TMEM164: variants seen among roughly 807,000 people sequenced by gnomAD.
TMEM164 encodes the protein transmembrane protein 164.
In TMEM164, 4 loss-of-function variants were observed where a neutral mutation model predicts 18.8. The ratio of observed to expected loss-of-function variants is 0.21; its 90% CI spans 0.10 to 0.49. TMEM164 has a LOEUF of 0.49. Ranked by LOEUF, TMEM164 falls within the 20% of genes least tolerant of loss-of-function variation. The pLI is 0.98. For missense variants in TMEM164, 108 were observed against 239.9 expected, an observed-to-expected ratio of 0.45 and a Z score of 3.63; for synonymous variants, 86 against 101.7, an observed-to-expected ratio of 0.85 and a Z score of 0.93.
intron 3 of TMEM164, among the ~76,000 whole-genome samples, chrX:110,093,105 G>A (rs1004173919): frequency 1.3e-4 from 14 of 111,653 alleles, no homozygotes; most frequent in African/African-American, 3.3e-4. Flanking sequence ...TGCTGGATTC[G>A]GTTTGCCAGT....
Position 110,079,373 on chromosome X carries a change from C to G in TMEM164, c.440+11977C>G, listed in dbSNP as rs1278688311. ...TCAACAAGCAAAATGTGTTGAGCAT[C>G]CCCAAAACCTGCTGCCATGACCTTT... On this transcript the variant is annotated intron_variant, in intron 3 of 6. Transcript: ENST00000372068. Among the ~76,000 whole-genome samples the G allele has an allele frequency of 5.4e-5, 6 of 112,082 alleles. No homozygotes were observed. The Admixed American group carries it at 5.7e-4, about 11-fold the overall frequency.
intron 2 of TMEM164, among the ~76,000 whole-genome samples, chrX:110,004,908 C>T (rs1317379867): frequency 8.9e-6 from 1 of 112,300 alleles, no homozygotes; most frequent in East Asian, 2.8e-4. Flanking sequence ...TTTACCTCAT[C>T]GACTTCCACC....
intron 5 of TMEM164, among the ~76,000 whole-genome samples, chrX:110,166,876 A>T (rs1488072010): frequency 8.9e-6 from 1 of 112,646 alleles, no homozygotes; most frequent in Non-Finnish European, 1.9e-5. Flanking sequence ...CAAGGGCCAC[A>T]TGCAGGTATA....
chrX:110,139,727 T>G (rs1490743035), intron 4 of TMEM164, among the ~76,000 whole-genome samples: 1 of 111,225 alleles, frequency 9.0e-6, no homozygotes, highest in Non-Finnish European at 1.9e-5. Flanking sequence ...GAGTTGGGAA[T>G]GTACTGAAGG....
chrX:110,135,954 A>G (rs1486263433), intron 4 of TMEM164, among the ~76,000 whole-genome samples: 1 of 111,874 alleles, frequency 8.9e-6, no homozygotes, highest in African/African-American at 3.3e-5. Context: ...CTATAATACC[A>G]TCTACCTTAT....
chrX:110,135,029 AT>A (rs1394502249), intron 4 of TMEM164, among the ~76,000 whole-genome samples: 1 of 91,272 alleles, frequency 1.1e-5, no homozygotes, highest in Non-Finnish European at 2.2e-5. Context: ...ATTTAGCTAC[AT>A]GATTAAAAAT....
At chrX:110,047,404 C>T (rs1208335382) in intron 2 of TMEM164, among the ~76,000 whole-genome samples, 2 of 112,142 alleles carry the variant, frequency 1.8e-5, no homozygotes, top group Non-Finnish European at 3.8e-5. Flanking sequence ...GGCTTGCATC[C>T]GTGTTTCCTT....
intron 2 of TMEM164, among the ~76,000 whole-genome samples, chrX:110,028,985 A>G (rs764214267): frequency 2.7e-5 from 3 of 109,835 alleles, no homozygotes; most frequent in South Asian, 3.8e-4. Context: ...TGTTACATCT[A>G]TTGATCAAAA....
chrX:110,133,121 GTGTC>G (rs1276925274), intron 4 of TMEM164, among the ~76,000 whole-genome samples: 2 of 111,247 alleles, frequency 1.8e-5, no homozygotes, highest in Non-Finnish European at 3.8e-5. Flanking sequence ...TTTTTCCTCT[GTGTC>G]TGTCTGTGTT....
At chrX:110,163,149 A>T (rs1357926989) in intron 5 of TMEM164, among the ~76,000 whole-genome samples, 2 of 111,843 alleles carry the variant, frequency 1.8e-5, no homozygotes, top group African/African-American at 6.5e-5. Flanking sequence ...TGTGACCTTA[A>T]TGGGAGCTGT....
intron 3 of TMEM164, among the ~76,000 whole-genome samples, chrX:110,092,534 G>C (rs928360245): frequency 3.6e-5 from 4 of 111,877 alleles, no homozygotes; most frequent in African/African-American, 1.3e-4. Context: ...GTATAAGAAT[G>C]CTTGTGATTT....
chrX:110,019,854 T>C (rs971997411), intron 2 of TMEM164, among the ~76,000 whole-genome samples: 1 of 111,983 alleles, frequency 8.9e-6, no homozygotes, highest in Admixed American at 9.4e-5. Flanking sequence ...GTGATTTTGG[T>C]CCCAACCTTT....
chrX:110,171,383 T>C, intron 5 of TMEM164, 37 bp from the exon 6 acceptor site: 1 of 1,058,273 alleles, frequency 9.4e-7, no homozygotes. Flanking sequence ...AGTGGGTCAC[T>C]ATTCCTGCCA....
intron 5 of TMEM164, among the ~76,000 whole-genome samples, chrX:110,151,217 G>A (rs1248668628): frequency 8.9e-6 from 1 of 112,111 alleles, no homozygotes; most frequent in African/African-American, 3.2e-5. Context: ...GCCATTTTGC[G>A]TGTGTGCAAG....
intron 4 of TMEM164, among the ~76,000 whole-genome samples, chrX:110,138,207 A>G (rs1569346000): frequency 8.9e-6 from 1 of 112,517 alleles, no homozygotes; most frequent in Non-Finnish European, 1.9e-5. Context: ...TATAACAGCC[A>G]GCATTTAATG....
chrX:110,076,835 C>T lies in TMEM164; in HGVS notation c.440+9439C>T, dbSNP rs1455554434. On this transcript the variant is annotated intron_variant, in intron 3 of 6. Transcript: ENST00000372068. ...AACAAGAGTATGCTTGGAATGATTT[C>T]TAGCTTTTTGAATTTATTGAGACTT... 2.7e-5 allele frequency among the ~76,000 whole-genome samples: 3 copies of T among 111,789 alleles called. No homozygotes were observed. In the East Asian group the frequency reaches 8.3e-4, roughly 31 times the overall value.
chrX:110,127,329 A>G (rs958274829), intron 4 of TMEM164, among the ~76,000 whole-genome samples: 3 of 111,204 alleles, frequency 2.7e-5, no homozygotes, highest in African/African-American at 9.8e-5. Flanking sequence ...CCTGACCAAC[A>G]TGGAGAAACC....
At chrX:110,080,714 A>G (rs796231582) in intron 3 of TMEM164, among the ~76,000 whole-genome samples, 1 of 111,291 alleles carries the variant, frequency 9.0e-6, no homozygotes, top group Non-Finnish European at 1.9e-5. Flanking sequence ...TTTTTATAAT[A>G]CACAACATTT....
intron 2 of TMEM164, among the ~76,000 whole-genome samples, chrX:110,053,723 G>A (rs997383066): frequency 9.0e-6 from 1 of 111,374 alleles, no homozygotes; most frequent in African/African-American, 3.3e-5. Context: ...TTTTCTTGAC[G>A]AGTTTCAAGG....
Sources: gnomAD v4.1 joint callset for allele counts (sites outside exome capture counted in the v4.1 genomes callset) on GRCh38, gnomAD v4.1.1 for gene constraint, MANE v1.5 for transcripts, NCBI Gene and HGNC (gene_info 2026-07-23, HGNC 2026-07-21) for gene names.